DAB1: variants seen among roughly 807,000 people sequenced by gnomAD.
DAB1 encodes the protein disabled homolog 1.
Under a neutral mutation model 64.6 loss-of-function variants are expected in DAB1, and 15 were observed. The observed-to-expected ratio is 0.23, with a 90% CI of 0.16 to 0.36. The LOEUF is 0.36. Ranked by LOEUF, DAB1 falls within the 10% of genes least tolerant of loss-of-function variation. DAB1 has a pLI of 1.00. For synonymous variants in DAB1, 235 were observed against 251.9 expected (o/e 0.93, Z 0.64); for missense variants, 596 against 706.7 (o/e 0.84, Z 1.78).
intron 3 of DAB1, among the ~76,000 whole-genome samples, chr1:58,421,151 T>G (rs776018683): frequency 6.6e-6 from 1 of 152,346 alleles, no homozygotes; most frequent in South Asian, 2.1e-4. Context: ...AAAGCCGTAA[T>G]GCTCTAATTA....
intron 1 of DAB1, among the ~76,000 whole-genome samples, chr1:57,365,626 G>A (rs1679933934): frequency 6.6e-6 from 1 of 151,986 alleles, no homozygotes; most frequent in Admixed American, 6.6e-5. Flanking sequence ...GTTCTGAGCA[G>A]TTCAGTGAAG....
chr1:57,570,129 A>G (rs1168644093), intron 7 of DAB1, among the ~76,000 whole-genome samples: 1 of 152,122 alleles, frequency 6.6e-6, no homozygotes, highest in African/African-American at 2.4e-5. Context: ...CGGCCGGGAA[A>G]GGCAGACCCA....
chr1:58,119,562 A>G (rs1327767183), intron 5 of DAB1, among the ~76,000 whole-genome samples: 1 of 152,142 alleles, frequency 6.6e-6, no homozygotes, highest in East Asian at 1.9e-4. Flanking sequence ...ACATTTTTAT[A>G]ACAGGCTAGC....
intron 1 of DAB1, among the ~76,000 whole-genome samples, chr1:57,857,039 G>T (rs940877666): frequency 6.6e-6 from 1 of 152,174 alleles, no homozygotes; most frequent in Non-Finnish European, 1.5e-5. Flanking sequence ...AAGCATCTTT[G>T]GAAAGTGTTC....
intron 3 of DAB1, among the ~76,000 whole-genome samples, chr1:58,384,579 G>A (rs1644418054): frequency 6.6e-6 from 1 of 152,170 alleles, no homozygotes; most frequent in South Asian, 2.1e-4. Context: ...TTATTAAGGA[G>A]TATGGACTCA....
chr1:57,339,128 G>A (rs571313384), intron 1 of DAB1, among the ~76,000 whole-genome samples: 26 of 140,918 alleles, frequency 1.8e-4, no homozygotes, highest in Admixed American at 1.4e-3. Context: ...AAAAAAATAC[G>A]GCTTCTTTCT....
chr1:57,913,185 T>C (rs1243531962), intron 5 of DAB1, among the ~76,000 whole-genome samples: 2 of 152,118 alleles, frequency 1.3e-5, no homozygotes, highest in African/African-American at 4.8e-5. Flanking sequence ...GCTACCTGAC[T>C]TCAAACTATA....
intron 3 of DAB1, among the ~76,000 whole-genome samples, chr1:58,428,238 AGT>A (rs1020204150): frequency 1.3e-5 from 2 of 152,240 alleles, no homozygotes; most frequent in African/African-American, 4.8e-5. Flanking sequence ...AACTGGACAT[AGT>A]GTGTTTCCCA....
chr1:57,883,945 T>C (rs951384239), intron 1 of DAB1: 1 of 152,076 alleles, frequency 6.6e-6, no homozygotes, highest in African/African-American at 2.4e-5. Flanking sequence ...GGAGAAGGTA[T>C]TGGGAGGGGA....
At chr1:57,554,701 T>A (rs1644966259) in intron 7 of DAB1, among the ~76,000 whole-genome samples, 4 of 152,224 alleles carry the variant, frequency 2.6e-5, no homozygotes, top group Admixed American at 2.6e-4. Context: ...AGTATTTGCC[T>A]CCTATTTTTT....
intron 4 of DAB1, among the ~76,000 whole-genome samples, chr1:58,260,171 A>ACATAGTT (rs1485426300): frequency 6.6e-6 from 1 of 152,148 alleles, no homozygotes; most frequent in Non-Finnish European, 1.5e-5. Context: ...TTCCCTGGGA[A>ACATAGTT]CTCAGGCAAG....
At chr1:57,968,076 G>A (rs539662364) in intron 5 of DAB1, among the ~76,000 whole-genome samples, 41 of 152,212 alleles carry the variant, frequency 2.7e-4, no homozygotes, top group African/African-American at 6.7e-4. Flanking sequence ...AGCAGATGCC[G>A]AAATATTGTC....
chr1:57,061,712 A>G (rs1226759501), intron 9 of DAB1, among the ~76,000 whole-genome samples: 1 of 152,186 alleles, frequency 6.6e-6, no homozygotes, highest in Non-Finnish European at 1.5e-5. Flanking sequence ...ATCCAGGCCA[A>G]ACATTTCTGT....
At chr1:57,123,157 A>G (rs777134491) in intron 4 of DAB1, among the ~76,000 whole-genome samples, 3 of 152,192 alleles carry the variant, frequency 2.0e-5, no homozygotes, top group Non-Finnish European at 2.9e-5. Context: ...AGAATCAACA[A>G]TATGACCCTG....
At chr1:57,564,924 T>A (rs949351492) in intron 7 of DAB1, among the ~76,000 whole-genome samples, 2 of 151,998 alleles carry the variant, frequency 1.3e-5, no homozygotes, top group Admixed American at 1.3e-4. Flanking sequence ...ATACAGAGAA[T>A]GCCACAAAGA....
chr1:57,633,800 C>T (rs908104969), intron 7 of DAB1, among the ~76,000 whole-genome samples: 8 of 152,118 alleles, frequency 5.3e-5, no homozygotes, highest in African/African-American at 1.4e-4. Context: ...GTGAAACACA[C>T]GTACATTTTG....
intron 4 of DAB1, among the ~76,000 whole-genome samples, chr1:58,333,601 T>A (rs540210710): frequency 2.0e-5 from 3 of 152,352 alleles, no homozygotes; most frequent in East Asian, 3.9e-4. Flanking sequence ...TAATTTGGCT[T>A]GGCAGGATTC....
intron 6 of DAB1, among the ~76,000 whole-genome samples, chr1:57,713,609 C>A (rs1647051011): frequency 6.6e-6 from 1 of 152,134 alleles, no homozygotes; most frequent in Non-Finnish European, 1.5e-5. Context: ...CTATTCAGAT[C>A]CATCTGGTGG....
At chr1:57,530,045 A>G (rs1384057792) in intron 7 of DAB1, among the ~76,000 whole-genome samples, 1 of 152,124 alleles carries the variant, frequency 6.6e-6, no homozygotes, top group African/African-American at 2.4e-5. Flanking sequence ...CTTATGATTA[A>G]AGCATCCATA....
Sources: allele counts gnomAD v4.1 joint callset (sites outside exome capture counted in the v4.1 genomes callset), GRCh38; gene constraint gnomAD v4.1.1; transcripts MANE v1.5; gene names NCBI Gene and HGNC (gene_info 2026-07-23, HGNC 2026-07-21).